SPTBN1: variants seen among roughly 807,000 people sequenced by gnomAD.
SPTBN1 encodes spectrin beta chain, non-erythrocytic 1.
Under a neutral mutation model 266.4 loss-of-function variants are expected in SPTBN1, and 32 were observed. The ratio of observed to expected loss-of-function variants is 0.12; its 90% CI spans 0.09 to 0.16. The LOEUF is 0.16. SPTBN1 is among the 10% of genes least tolerant of loss of function. SPTBN1 has a pLI of 1.00. For missense variants in SPTBN1, 2,296 were observed against 3,067.1 expected (o/e 0.75, Z 5.94); for synonymous variants, 1,336 against 1,162.2 (o/e 1.15, Z -3.04).
At chr2:54,598,091 C>A (rs756236004) in intron 2 of SPTBN1, among the ~76,000 whole-genome samples, 10 of 152,118 alleles carry the variant, frequency 6.6e-5, no homozygotes, top group Non-Finnish European at 1.2e-4. Flanking sequence ...TTAGAACATT[C>A]TGCAGAGGCA....
intron 32 of SPTBN1, chr2:54,661,100 C>T (rs1388717625): frequency 1.0e-6 from 1 of 985,304 alleles, no homozygotes; most frequent in Non-Finnish European, 1.2e-6. Context: ...CTCCACTGTA[C>T]ATCTTGGATT....
intron 2 of SPTBN1, among the ~76,000 whole-genome samples, chr2:54,561,455 G>T (rs990087648): frequency 6.6e-6 from 1 of 151,888 alleles, no homozygotes; most frequent in Non-Finnish European, 1.5e-5. Context: ...TAATGCCTCT[G>T]ATATGAACTT....
At chr2:54,590,993 G>A (rs1490473248) in intron 2 of SPTBN1, among the ~76,000 whole-genome samples, 1 of 152,078 alleles carries the variant, frequency 6.6e-6, no homozygotes, top group African/African-American at 2.4e-5. Context: ...GTTCAGTTGG[G>A]GTCTGAAACC....
Position 54,645,956 on chromosome 2 carries a change from C to T in SPTBN1, c.4523C>T (p.Ala1508Val). 3.7e-6 allele frequency: 6 copies of T among 1,614,204 alleles called. No homozygotes were observed. Among genetic ancestry groups the T allele is most frequent in the Non-Finnish European group, 5.1e-6 (6 of 1,180,054 alleles). The change falls in exon 22 of 36, where the codon GCA becomes GTA. Residue 1508 changes from alanine (A) to valine (V), a missense_variant. Around this residue, in one of 12 missense-constraint regions of SPTBN1, gnomAD observed 644 missense variants for 745.3 expected, o/e 0.86. Coordinates refer to ENST00000356805, the MANE Select transcript of SPTBN1 (RefSeq NM_003128.3). The surrounding 1 kb of genome is among the most constrained non-coding windows in gnomAD (Gnocchi z 4.3). ...ILWVGERMPL[A>V]TSTDHGHNLQ... ...TGGGTTGGAGAGAGGATGCCTTTGG[C>T]AACTTCCACGGATCATGGCCACAAC...
intron 2 of SPTBN1, among the ~76,000 whole-genome samples, chr2:54,563,020 C>A (rs1263286779): frequency 6.6e-6 from 1 of 152,204 alleles, no homozygotes; most frequent in Admixed American, 6.5e-5. Flanking sequence ...TATAACATAC[C>A]TGTGAAGTTT....
In SPTBN1 at chr2:54,611,041, G is replaced by T. The variant is rs1445758143; in HGVS notation, c.301-1120G>T. Among the ~76,000 whole-genome samples, 6 of 152,134 alleles carry T rather than the reference G, an allele frequency of 3.9e-5. No homozygotes were observed. In the East Asian group the frequency reaches 5.8e-4, roughly 15 times the overall value. ...ACTATAGTAGTACAGTACATACCAA[G>T]ATTTAATACTGCTCAAATGGTGCCA... is the stretch of plus-strand genomic sequence containing the variant. On this transcript the variant is annotated intron_variant, in intron 3 of 35. Transcript: ENST00000356805.
At chr2:54,465,811 C>G (rs1448393615) in intron 1 of SPTBN1, among the ~76,000 whole-genome samples, 1 of 151,894 alleles carries the variant, frequency 6.6e-6, no homozygotes, top group Non-Finnish European at 1.5e-5. Context: ...TCAAGTTGTC[C>G]TTAGCCAGTG....
intron 2 of SPTBN1, chr2:54,557,778 T>G: frequency 1.0e-6 from 1 of 985,378 alleles, no homozygotes; most frequent in Non-Finnish European, 1.2e-6. Context: ...CGCCTTCATA[T>G]CCCCTGATGG....
intron 1 of SPTBN1, among the ~76,000 whole-genome samples, chr2:54,496,069 A>G (rs889722635): frequency 1.3e-5 from 2 of 152,124 alleles, no homozygotes; most frequent in Non-Finnish European, 2.9e-5. Flanking sequence ...GCTATTCCCA[A>G]AAAGTAACCA....
rs766385315 is a variant in SPTBN1 at position 54,625,982 on chromosome 2, C to T, written c.1392C>T (p.His464=). ...CAGTTGAGGCCGCCACAAAAAAGCA[C>T]GAGGCCATTGAGACAGACATTGCCG... The part of the protein sequence containing the change: ...LPAVEAATKK[H]EAIETDIAAY... The change falls in exon 12 of 36, where the codon CAC becomes CAT. Residue 464 remains histidine (H), a synonymous_variant. Coordinates refer to ENST00000356805, the MANE Select transcript of SPTBN1 (RefSeq NM_003128.3). 53 of 1,614,002 alleles carry T rather than the reference C, an allele frequency of 3.3e-5. No individual in the cohort carries two copies. The highest frequency in any genetic ancestry group is 6.7e-5 in the African/African-American group (5 of 74,908).
chr2:54,496,439 T>A (rs1461913919), intron 1 of SPTBN1, among the ~76,000 whole-genome samples: 5 of 126,356 alleles, frequency 4.0e-5, no homozygotes, highest in African/African-American at 1.5e-4. Context: ...CTCCGTGTCT[T>A]AAAAAAAAAA....
At chr2:54,562,533 C>CTTTTTTCCTTTTTT (rs1553447706) in intron 2 of SPTBN1, among the ~76,000 whole-genome samples, 1 of 126,828 alleles carries the variant, frequency 7.9e-6, no homozygotes, top group Non-Finnish European at 1.6e-5. Flanking sequence ...TTTTCTTTTT[C>CTTTTTTCCTTTTTT]TTTTTTTTTT....
chr2:54,595,346 G>A (rs985505951), intron 2 of SPTBN1, among the ~76,000 whole-genome samples: 3 of 152,212 alleles, frequency 2.0e-5, no homozygotes, highest in African/African-American at 7.2e-5. Context: ...CCCCCAGAGG[G>A]CAGGGGCACA....
chr2:54,661,455 C>G, intron 32 of SPTBN1: 1 of 985,308 alleles, frequency 1.0e-6, no homozygotes, highest in Non-Finnish European at 1.2e-6. Context: ...TTTCTTTTGT[C>G]AGGATAACGT....
intron 2 of SPTBN1, among the ~76,000 whole-genome samples, chr2:54,548,332 C>T (rs1672367143): frequency 6.6e-6 from 1 of 152,180 alleles, no homozygotes; most frequent in Non-Finnish European, 1.5e-5. Flanking sequence ...TGGTTCTACA[C>T]TGGGCTGGAA....
chr2:54,490,498 C>G (rs1305964653), intron 1 of SPTBN1, among the ~76,000 whole-genome samples: 1 of 152,174 alleles, frequency 6.6e-6, no homozygotes, highest in South Asian at 2.1e-4. Flanking sequence ...TTTGAACAAT[C>G]TTGAAATCAC....
intron 3 of SPTBN1, among the ~76,000 whole-genome samples, chr2:54,606,794 T>C (rs1380083128): frequency 1.3e-5 from 2 of 152,210 alleles, no homozygotes; most frequent in Admixed American, 1.3e-4. Context: ...GGCATCCCTT[T>C]CTCGGATAGG....
At chr2:54,599,381 G>A (rs994097990) in intron 3 of SPTBN1, 138 bp downstream of exon 3, 83 of 988,936 alleles carry the variant, frequency 8.4e-5, no homozygotes, top group Non-Finnish European at 1.2e-4. Flanking sequence ...TGAGTTGAGC[G>A]CTTCAGGGAG....
At chr2:54,561,029 T>G (rs1673263098) in intron 2 of SPTBN1, among the ~76,000 whole-genome samples, 1 of 152,246 alleles carries the variant, frequency 6.6e-6, no homozygotes, top group South Asian at 2.1e-4. Context: ...TTCTATCTGC[T>G]GATTTAATTT....
Sources: allele counts gnomAD v4.1 joint callset (sites outside exome capture counted in the v4.1 genomes callset), GRCh38; gene constraint gnomAD v4.1.1; regional missense constraint gnomAD v4.1.1; non-coding constraint Gnocchi (gnomAD v3.1); transcripts MANE v1.5; gene names NCBI Gene and HGNC (gene_info 2026-07-23, HGNC 2026-07-21).